ANO4: variants seen among roughly 807,000 people sequenced by gnomAD.
ANO4 encodes the protein anoctamin-4.
ANO4 carries 69 observed loss-of-function variants against 141.9 expected under a neutral mutation model. That is an observed-to-expected ratio of 0.49 (90% CI 0.40 to 0.59). The LOEUF is 0.59. Among genes scored for constraint, ANO4 ranks in the 20% least tolerant of loss-of-function variants. ANO4 has a pLI of 0.00. For missense variants in ANO4, 894 were observed against 1,162.2 expected (o/e 0.77, Z 3.36); for synonymous variants, 350 against 394.3 (o/e 0.89, Z 1.33).
chr12:101,060,571 G>T (rs2048305227), intron 14 of ANO4, among the ~76,000 whole-genome samples: 1 of 152,064 alleles, frequency 6.6e-6, no homozygotes, highest in Non-Finnish European at 1.5e-5. Context: ...TCCTGTATTG[G>T]GTGCATATAT....
At chr12:100,775,078 A>G (rs2033449810) in intron 3 of ANO4, among the ~76,000 whole-genome samples, 1 of 152,236 alleles carries the variant, frequency 6.6e-6, no homozygotes. Flanking sequence ...GCCTGATTAC[A>G]CTGCCTCCTT....
chr12:100,838,178 C>T (rs1335872944), intron 1 of ANO4, among the ~76,000 whole-genome samples: 13 of 145,138 alleles, frequency 9.0e-5, no homozygotes, highest in African/African-American at 3.1e-4. Context: ...TGCAGTGAGC[C>T]GAGATCGCTT....
intron 1 of ANO4, among the ~76,000 whole-genome samples, chr12:100,877,001 A>G (rs1338066894): frequency 6.6e-6 from 1 of 152,218 alleles, no homozygotes; most frequent in African/African-American, 2.4e-5. Flanking sequence ...ATATTATGCT[A>G]AATGAAATAA....
intron 3 of ANO4, among the ~76,000 whole-genome samples, chr12:100,776,174 G>A (rs1440880499): frequency 5.9e-5 from 9 of 152,168 alleles, no homozygotes. Flanking sequence ...AACCTGTCCA[G>A]TTTTCATAGC....
intron 9 of ANO4, among the ~76,000 whole-genome samples, chr12:101,023,065 T>C (rs866010254): frequency 1.2e-4 from 19 of 152,206 alleles, no homozygotes; most frequent in Admixed American, 1.2e-3. Flanking sequence ...ATCTGGATAA[T>C]AAGATCCTTA....
In ANO4 at chr12:101,094,330, TGGGCTAGAG is replaced by T. The variant is rs1203990696; in HGVS notation, c.1738+39_1738+47del. 4 of 1,544,376 alleles carry T rather than the reference TGGGCTAGAG, an allele frequency of 2.6e-6. No individual in the cohort carries two copies. In the African/African-American group the frequency reaches 5.5e-5, roughly 21 times the overall value. On this transcript the variant is annotated intron_variant, in intron 18 of 27. Coordinates refer to ENST00000392977, the MANE Select transcript of ANO4 (RefSeq NM_001286615.2). ...CTTTCTATTTCATAGAACTGTACTG[TGGGCTAGAG>T]AGTATGGTTCAAAGATTCCTTTCTC...
At chr12:100,930,524 C>G (rs1168722244) in intron 3 of ANO4, among the ~76,000 whole-genome samples, 1 of 152,148 alleles carries the variant, frequency 6.6e-6, no homozygotes, top group African/African-American at 2.4e-5. Flanking sequence ...GTTCTCTGTT[C>G]TGTTCCACTA....
chr12:101,021,997 G>A (rs2046550854), intron 9 of ANO4, among the ~76,000 whole-genome samples: 1 of 147,196 alleles, frequency 6.8e-6, no homozygotes, highest in Admixed American at 6.8e-5. Context: ...TGAGAGTTGA[G>A]CTGAATGCAA....
intron 22 of ANO4, among the ~76,000 whole-genome samples, chr12:101,109,572 A>G (rs949476067): frequency 6.6e-6 from 1 of 152,172 alleles, no homozygotes; most frequent in African/African-American, 2.4e-5. Flanking sequence ...AAAAAAAACA[A>G]AAAACAAAAC....
At chr12:100,940,065 G>T (rs5001599) in intron 4 of ANO4, among the ~76,000 whole-genome samples, 1 of 151,544 alleles carries the variant, frequency 6.6e-6, no homozygotes, top group African/African-American at 2.4e-5. Flanking sequence ...TATTCCTAAG[G>T]TTTTTATATT....
At chr12:101,120,030 G>A (rs2051018696) in intron 25 of ANO4, among the ~76,000 whole-genome samples, 4 of 152,176 alleles carry the variant, frequency 2.6e-5, no homozygotes, top group Admixed American at 2.6e-4. Context: ...TCAGTTAGCT[G>A]GGAGAGTCAA....
chr12:100,835,383 G>C (rs2135788031), intron 1 of ANO4, among the ~76,000 whole-genome samples: 1 of 152,204 alleles, frequency 6.6e-6, no homozygotes, highest in East Asian at 1.9e-4. Context: ...GGAGGCTTAG[G>C]GAAAGAGATT....
intron 3 of ANO4, 121 bp from the exon 4 acceptor site, chr12:100,939,194 C>A: frequency 2.0e-6 from 2 of 1,015,366 alleles, no homozygotes; most frequent in East Asian, 2.4e-5. Flanking sequence ...ATGCTTGTCA[C>A]TCAAGGAGTT....
At chr12:100,817,735 C>T (rs1256385922) in intron 1 of ANO4, among the ~76,000 whole-genome samples, 3 of 151,760 alleles carry the variant, frequency 2.0e-5, no homozygotes, top group Admixed American at 6.6e-5. Context: ...GGACTAATTT[C>T]GTTGGTCAGT....
chr12:100,867,457 G>A (rs550995409), intron 1 of ANO4, among the ~76,000 whole-genome samples: 1 of 152,278 alleles, frequency 6.6e-6, no homozygotes, highest in East Asian at 1.9e-4. Flanking sequence ...AGACAGTCGG[G>A]TGTAGAGAGT....
At chr12:100,733,684 G>T in intron 1 of ANO4, 1 of 625,906 alleles carries the variant, frequency 1.6e-6, no homozygotes, top group Non-Finnish European at 2.9e-6. Context: ...AAGGAGAGCT[G>T]GTTTATTTAC....
chr12:101,026,752 G>A (rs190861525), intron 9 of ANO4, among the ~76,000 whole-genome samples: 1 of 152,204 alleles, frequency 6.6e-6, no homozygotes. Context: ...ATGGATTATA[G>A]TTCAAAGTGT....
At chr12:100,895,648 G>T (rs1312771907) in intron 1 of ANO4, among the ~76,000 whole-genome samples, 2 of 147,752 alleles carry the variant, frequency 1.4e-5, no homozygotes, top group African/African-American at 5.1e-5. Context: ...TGAAACCTCC[G>T]CCTCTTGGGT....
intron 3 of ANO4, 60 bp downstream of exon 3, chr12:100,922,390 A>C (rs2041671293): frequency 8.3e-7 from 1 of 1,209,652 alleles, no homozygotes; most frequent in Non-Finnish European, 1.1e-6. Context: ...AATACTTGGG[A>C]GGGGTAATAA....
Sources: gnomAD v4.1 joint callset for allele counts (sites outside exome capture counted in the v4.1 genomes callset) on GRCh38, gnomAD v4.1.1 for gene constraint, MANE v1.5 for transcripts, NCBI Gene and HGNC (gene_info 2026-07-23, HGNC 2026-07-21) for gene names.